The following PGM2L1 variants were observed in gnomAD, a reference collection of about 807,000 sequenced individuals.
The protein encoded by PGM2L1 is glucose 1,6-bisphosphate synthase.
PGM2L1 carries 35 observed loss-of-function variants against 73.4 expected under a neutral mutation model. The ratio of observed to expected loss-of-function variants is 0.48; its 90% CI spans 0.36 to 0.63. PGM2L1 has a LOEUF of 0.63. Ranked by LOEUF, PGM2L1 falls within the 30% of genes least tolerant of loss-of-function variation. The pLI, the probability that PGM2L1 is intolerant of heterozygous loss-of-function variation, is 0.00. For synonymous variants in PGM2L1, 225 were observed against 253.8 expected (o/e 0.89, Z 1.08); for missense variants, 570 against 742.0 (o/e 0.77, Z 2.69).
rs1239595588 is a variant in PGM2L1, at chr11:74,358,647, G to C, written c.556-7071C>G. Among the ~76,000 whole-genome samples the C allele has an allele frequency of 3.3e-5, 5 of 152,188 alleles. No homozygotes were observed. The East Asian group carries it at 9.6e-4, about 29-fold the overall frequency. The stretch of plus-strand genomic sequence containing the variant: ...CTGACACCTGTAATCCCAGCATTCT[G>C]GGAGGCCAAGGCAGGAGGATCACTT... On this transcript the variant is annotated intron_variant, in intron 5 of 13. Transcript: ENST00000298198.
chr11:74,379,652 G>A (rs866398464), intron 1 of PGM2L1, among the ~76,000 whole-genome samples: 1 of 152,028 alleles, frequency 6.6e-6, no homozygotes. Flanking sequence ...GGCTGGGCGC[G>A]GTGGCTTATG....
intron 2 of PGM2L1, among the ~76,000 whole-genome samples, chr11:74,372,331 C>T (rs1180746136): frequency 6.6e-6 from 1 of 152,096 alleles, no homozygotes; most frequent in Non-Finnish European, 1.5e-5. Context: ...TGGATGATCC[C>T]ATTTGTAATT....
chr11:74,397,730 C>G (rs542843177), intron 1 of PGM2L1: 1 of 235,914 alleles, frequency 4.2e-6, no homozygotes, highest in East Asian at 7.4e-5. Context: ...TAGGGTATAA[C>G]TTACAATGAT....
At chr11:74,379,102 T>C (rs1001576296) in intron 1 of PGM2L1, among the ~76,000 whole-genome samples, 1 of 152,236 alleles carries the variant, frequency 6.6e-6, no homozygotes, top group Non-Finnish European at 1.5e-5. Context: ...AAATAAGTTT[T>C]ATTTGGCTCA....
At chr11:74,378,306 A>T (rs942847582) in intron 1 of PGM2L1, among the ~76,000 whole-genome samples, 2 of 149,024 alleles carry the variant, frequency 1.3e-5, no homozygotes, top group South Asian at 2.1e-4. Flanking sequence ...CGTCTCAATT[A>T]AAAAAAAAAG....
chr11:74,331,914 A>G lies in PGM2L1; in HGVS notation c.*4738T>C, dbSNP rs1470458098. 1 of 152,152 alleles carries G rather than the reference A, an allele frequency of 6.6e-6. No homozygotes were observed. Among genetic ancestry groups the G allele is most frequent in the Non-Finnish European group, 1.5e-5 (1 of 68,038 alleles). 9.4% of individuals were successfully genotyped at this position (152,152 alleles called of 1,614,324 possible). On this transcript the variant is annotated 3_prime_UTR_variant, in exon 14 of 14. Coordinates refer to ENST00000298198, the MANE Select transcript of PGM2L1 (RefSeq NM_173582.6). ...ACTCTAGGTATGTCACTTTGTCCCT[A>G]TTTGGTCACTCTACACATTCTTATA... is the stretch of plus-strand genomic sequence containing the variant.
At chr11:74,373,230 T>A (rs545895464) in intron 2 of PGM2L1, among the ~76,000 whole-genome samples, 3 of 152,146 alleles carry the variant, frequency 2.0e-5, no homozygotes, top group Non-Finnish European at 4.4e-5. Flanking sequence ...TTACTTCGAA[T>A]CAAAGCATAT....
At chr11:74,371,411 G>A (rs1862750807) in intron 3 of PGM2L1, among the ~76,000 whole-genome samples, 1 of 152,088 alleles carries the variant, frequency 6.6e-6, no homozygotes, top group African/African-American at 2.4e-5. Flanking sequence ...CATATAATGA[G>A]AATATAAGCT....
intron 3 of PGM2L1, 135 bp downstream of exon 3, chr11:74,371,576 A>C: frequency 1.6e-6 from 1 of 613,378 alleles, no homozygotes; most frequent in South Asian, 2.3e-5. Context: ...TTTCAGCTTT[A>C]AAGTAAATAT....
In PGM2L1 at chr11:74,371,789, A is replaced by C; in HGVS notation, c.308T>G (p.Phe103Cys). 1.9e-6 allele frequency: 3 copies of C among 1,613,918 alleles called. No homozygotes were observed. The highest frequency in any genetic ancestry group is 2.5e-6 in the Non-Finnish European group (3 of 1,179,846). The change falls in exon 3 of 14, where the codon TTC becomes TGC. Residue 103 changes from phenylalanine (F) to cysteine (C), a missense_variant. Physicochemically the swap from Phe to Cys is radical, Grantham distance 205. Coordinates refer to ENST00000298198, the MANE Select transcript of PGM2L1 (RefSeq NM_173582.6). ...AAAGCCTCTCTGCTTGAAGTCTGAG[A>C]AACATCTCTCAAGGTATTTGTACAT... ...QGMYKYLERCFSDFKQRGFVV... is the reference protein window; with the variant it reads ...QGMYKYLERCCSDFKQRGFVV...
At chr11:74,354,905 T>C (rs1862419269) in intron 5 of PGM2L1, 3 of 859,060 alleles carry the variant, frequency 3.5e-6, no homozygotes, top group Admixed American at 1.7e-5. Context: ...TAACCTTTGA[T>C]GACCATGACT....
chr11:74,344,005 G>C (rs1398031983), intron 9 of PGM2L1, among the ~76,000 whole-genome samples: 2 of 151,930 alleles, frequency 1.3e-5, no homozygotes, highest in Non-Finnish European at 2.9e-5. Flanking sequence ...TTGAACTCCT[G>C]ACCTTGTGAT....
In PGM2L1 at chr11:74,336,370, T is replaced by C. The variant is rs1234652813; in HGVS notation, c.*282A>G. 2 of 201,678 alleles carry C rather than the reference T, an allele frequency of 9.9e-6. No individual in the cohort carries two copies. Among genetic ancestry groups the C allele is most frequent in the African/African-American group, 4.6e-5 (2 of 43,252 alleles). 12.5% of individuals were successfully genotyped at this position (201,678 alleles called of 1,614,324 possible). On this transcript the variant is annotated 3_prime_UTR_variant, in exon 14 of 14. Coordinates refer to ENST00000298198, the MANE Select transcript of PGM2L1 (RefSeq NM_173582.6). ...AAGAAAACTCACTTTTGAATTGTGA[T>C]GTTTCTGTTAACGGAAGGACAATAC... is the stretch of plus-strand genomic sequence containing the variant.
At chr11:74,375,025 T>G (rs2134934897) in intron 1 of PGM2L1, among the ~76,000 whole-genome samples, 1 of 152,284 alleles carries the variant, frequency 6.6e-6, no homozygotes, top group Non-Finnish European at 1.5e-5. Flanking sequence ...TACACCTGGC[T>G]AATACATTAA....
intron 1 of PGM2L1, among the ~76,000 whole-genome samples, chr11:74,395,949 A>AT (rs1466730048): frequency 6.6e-6 from 1 of 151,990 alleles, no homozygotes; most frequent in Non-Finnish European, 1.5e-5. Context: ...CATTCAAACA[A>AT]TCTTTTAAAA....
In PGM2L1 at chr11:74,342,496, T is replaced by C; in HGVS notation, c.1597A>G (p.Thr533Ala). Reference protein sequence around the residue: ...FAILHVRDVTTGYDSSQPNKK... With the variant: ...FAILHVRDVTAGYDSSQPNKK... ...TTAGGCTGGCTACTGTCATATCCAGTGGTAACGTCCCGTACATGCAATATA... is the reference window on the plus strand; with the variant it reads ...TTAGGCTGGCTACTGTCATATCCAGCGGTAACGTCCCGTACATGCAATATA... Residue 533 changes from threonine (T) to alanine (A), a missense_variant, in exon 12 of 14, where the codon ACT becomes GCT. Coordinates refer to ENST00000298198, the MANE Select transcript of PGM2L1 (RefSeq NM_173582.6). 6.4e-7 allele frequency: 1 copy of C among 1,565,230 alleles called. No homozygotes were observed. The highest frequency in any genetic ancestry group is 8.6e-7 in the Non-Finnish European group (1 of 1,158,382).
chr11:74,392,485 T>A (rs2454079), intron 1 of PGM2L1, among the ~76,000 whole-genome samples: 1 of 151,630 alleles, frequency 6.6e-6, no homozygotes, highest in Non-Finnish European at 1.5e-5. Flanking sequence ...AAAAAATCCA[T>A]GGCAATTTAT....
intron 1 of PGM2L1, among the ~76,000 whole-genome samples, chr11:74,396,618 G>A (rs1863180875): frequency 6.6e-6 from 1 of 152,048 alleles, no homozygotes; most frequent in Non-Finnish European, 1.5e-5. Context: ...GTTTCACCAT[G>A]TTAGCCAGGA....
intron 4 of PGM2L1, among the ~76,000 whole-genome samples, chr11:74,370,289 C>CAGCT (rs1862732362): frequency 6.6e-6 from 1 of 152,190 alleles, no homozygotes; most frequent in Non-Finnish European, 1.5e-5. Context: ...TTGGCTTGTA[C>CAGCT]AGCTGTCTTT....
Sources: allele counts gnomAD v4.1 joint callset (sites outside exome capture counted in the v4.1 genomes callset), GRCh38; gene constraint gnomAD v4.1.1; transcripts MANE v1.5; gene names NCBI Gene and HGNC (gene_info 2026-07-23, HGNC 2026-07-21).